The following ROBO2 variants were observed in gnomAD, a reference collection of about 807,000 sequenced individuals.
ROBO2 encodes roundabout homolog 2.
Under a neutral mutation model 160.8 loss-of-function variants are expected in ROBO2, and 53 were observed. The observed-to-expected ratio is 0.33, with a 90% CI of 0.26 to 0.41. ROBO2 has a LOEUF of 0.41. Among genes scored for constraint, ROBO2 ranks in the 10% least tolerant of loss-of-function variants. The pLI is 1.00. For synonymous variants in ROBO2, 664 were observed against 611.7 expected, an observed-to-expected ratio of 1.09 and a Z score of -1.26; for missense variants, 1,577 against 1,722.4, an observed-to-expected ratio of 0.92 and a Z score of 1.49.
chr3:77,098,492 G>A, intron 2 of ROBO2, 152 bp downstream of exon 2: 1 of 786,362 alleles, frequency 1.3e-6, no homozygotes. Flanking sequence ...GGTCAAGATA[G>A]TATCAAGCCA....
intron 1 of ROBO2, among the ~76,000 whole-genome samples, chr3:75,914,431 C>G (rs536025946): frequency 3.3e-4 from 50 of 152,106 alleles, no homozygotes; most frequent in African/African-American, 1.2e-3. Context: ...GTACTTTTGC[C>G]TTATTGCTCT....
At chr3:76,551,870 C>T (rs1364157872) in intron 2 of ROBO2, among the ~76,000 whole-genome samples, 1 of 152,120 alleles carries the variant, frequency 6.6e-6, no homozygotes, top group Non-Finnish European at 1.5e-5. Flanking sequence ...GTCTGGACCC[C>T]GTGCTTGCTC....
chr3:76,733,724 G>A (rs998288141), intron 2 of ROBO2, among the ~76,000 whole-genome samples: 1 of 152,140 alleles, frequency 6.6e-6, no homozygotes, highest in African/African-American at 2.4e-5. Flanking sequence ...AATGTTTCAT[G>A]TGGGAATTTT....
chr3:76,288,636 A>T (rs1708649637), intron 2 of ROBO2, among the ~76,000 whole-genome samples: 1 of 152,072 alleles, frequency 6.6e-6, no homozygotes, highest in Non-Finnish European at 1.5e-5. Flanking sequence ...CTTCGCTCTC[A>T]TCCCATTCTC....
chr3:76,161,936 G>A (rs765152840), intron 2 of ROBO2, among the ~76,000 whole-genome samples: 1 of 152,098 alleles, frequency 6.6e-6, no homozygotes, highest in African/African-American at 2.4e-5. Context: ...TTTTTTAGAA[G>A]TCTCCATCTG....
At position 76,270,531 on chromosome 3, in the gene ROBO2, C is replaced by T. The variant is rs146880260; in HGVS notation, c.109+332929C>T. On this transcript the variant is annotated intron_variant, in intron 2 of 26. Coordinates refer to the ROBO2 transcript ENST00000487694. ...TTATCGTAGATGATAACTCCTTCTT[C>T]CCCATCCCCCACTTTATTTTTAAGA... Among the ~76,000 whole-genome samples the T allele has an allele frequency of 6.2e-4, 94 of 152,102 alleles. 1 individual carries two copies. Among genetic ancestry groups the T allele is most frequent in the African/African-American group, 1.2e-3 (48 of 41,530 alleles).
At chr3:76,590,011 T>C (rs2086313365) in intron 2 of ROBO2, among the ~76,000 whole-genome samples, 1 of 152,170 alleles carries the variant, frequency 6.6e-6, no homozygotes, top group African/African-American at 2.4e-5. Context: ...ATGAAAAATA[T>C]GTAGGCTTAA....
At chr3:77,632,484 A>G (rs1320975430) in intron 23 of ROBO2, 6 of 1,531,554 alleles carry the variant, frequency 3.9e-6, no homozygotes, top group Non-Finnish European at 5.2e-6. Flanking sequence ...GTTCAATGGT[A>G]AATGGATGGG....
chr3:76,696,947 G>A (rs2092940492), intron 2 of ROBO2, among the ~76,000 whole-genome samples: 1 of 152,104 alleles, frequency 6.6e-6, no homozygotes, highest in African/African-American at 2.4e-5. Flanking sequence ...CTTTCTGCTT[G>A]TTGTTTACTT....
At chr3:76,227,334 A>G (rs563877097) in intron 2 of ROBO2, among the ~76,000 whole-genome samples, 142 of 152,118 alleles carry the variant, frequency 9.3e-4, no homozygotes, top group African/African-American at 3.2e-3. Context: ...TTTATTTGCA[A>G]TTTTCACCCA....
chr3:76,694,325 G>A (rs892981254), intron 2 of ROBO2, among the ~76,000 whole-genome samples: 3 of 152,076 alleles, frequency 2.0e-5, no homozygotes, highest in South Asian at 2.1e-4. Flanking sequence ...AGTTATTCTC[G>A]CCAAGAGATG....
chr3:76,532,797 G>A (rs1228877247), intron 2 of ROBO2, among the ~76,000 whole-genome samples: 1 of 152,152 alleles, frequency 6.6e-6, no homozygotes, highest in Non-Finnish European at 1.5e-5. Context: ...AAGAAAGCCT[G>A]GAAACCTGTT....
intron 14 of ROBO2, among the ~76,000 whole-genome samples, chr3:77,576,056 G>C (rs2093755162): frequency 6.6e-6 from 1 of 152,058 alleles, no homozygotes; most frequent in Non-Finnish European, 1.5e-5. Flanking sequence ...CAGGAAGCAG[G>C]CACGGTGTTC....
At chr3:77,579,799 T>A in intron 15 of ROBO2, 148 bp from the exon 17 acceptor site, 1 of 674,802 alleles carries the variant, frequency 1.5e-6, no homozygotes, top group Admixed American at 2.3e-5. Context: ...CTGCAGAGGT[T>A]GGGCTTTAGA....
intron 2 of ROBO2, among the ~76,000 whole-genome samples, chr3:76,982,290 C>T (rs1029589718): frequency 2.0e-5 from 3 of 152,132 alleles, no homozygotes; most frequent in African/African-American, 7.2e-5. Flanking sequence ...TCTGTTACAT[C>T]TACTTATACA....
chr3:77,227,473 T>A (rs1353297152), intron 2 of ROBO2, among the ~76,000 whole-genome samples: 1 of 152,220 alleles, frequency 6.6e-6, no homozygotes, highest in Admixed American at 6.5e-5. Context: ...TTTTGACTCC[T>A]AAAATAGGAT....
intron 2 of ROBO2, among the ~76,000 whole-genome samples, chr3:76,390,289 T>A (rs2077086101): frequency 6.6e-6 from 1 of 152,130 alleles, no homozygotes; most frequent in African/African-American, 2.4e-5. Context: ...GTCCCTTTAT[T>A]ACATTAAAAC....
At chr3:76,283,015 TTTTC>T (rs1708310825) in intron 2 of ROBO2, among the ~76,000 whole-genome samples, 1 of 124,722 alleles carries the variant, frequency 8.0e-6, no homozygotes, top group Non-Finnish European at 1.9e-5. Flanking sequence ...ATTTTTTATT[TTTTC>T]TTTATTTTAA....
intron 2 of ROBO2, among the ~76,000 whole-genome samples, chr3:76,993,667 A>C (rs2060819998): frequency 6.6e-6 from 1 of 152,120 alleles, no homozygotes. Context: ...GAAGAAAAGG[A>C]AAGTTACATA....
Sources: gnomAD v4.1 joint callset for allele counts (sites outside exome capture counted in the v4.1 genomes callset) on GRCh38, gnomAD v4.1.1 for gene constraint, MANE v1.5 for transcripts, NCBI Gene and HGNC (gene_info 2026-07-23, HGNC 2026-07-21) for gene names.